Variants in MACROD2 observed in about 807,000 individuals in gnomAD.
The protein encoded by MACROD2 is mono-ADP ribosylhydrolase 2.
MACROD2 carries 36 observed loss-of-function variants against 70.4 expected under a neutral mutation model. That is an observed-to-expected ratio of 0.51 (90% CI 0.39 to 0.68). The LOEUF (loss-of-function observed/expected upper bound fraction) is 0.68, where lower values mean the gene tolerates loss of function less well. Among genes scored for constraint, MACROD2 ranks in the 30% least tolerant of loss-of-function variants. The probability of loss-of-function intolerance (pLI) is 0.00; values close to 1 mark genes in which losing one functional copy is unlikely to be tolerated. For missense variants in MACROD2, 496 were observed against 538.4 expected, an observed-to-expected ratio of 0.92 and a Z score of 0.78; for synonymous variants, 172 against 178.8, an observed-to-expected ratio of 0.96 and a Z score of 0.30.
intron 2 of MACROD2, among the ~76,000 whole-genome samples, chr20:14,051,246 G>A (rs562986584): frequency 7.8e-4 from 119 of 152,262 alleles, no homozygotes; most frequent in African/African-American, 2.7e-3. Context: ...GTTTTGAAAG[G>A]AACATTTTTA....
At chr20:15,047,761 A>G (rs1341005136) in intron 5 of MACROD2, among the ~76,000 whole-genome samples, 2 of 152,124 alleles carry the variant, frequency 1.3e-5, no homozygotes, top group South Asian at 4.1e-4. Context: ...GGCTTTTATT[A>G]CAGTGTGATT....
At chr20:15,441,316 A>G (rs759903933) in intron 7 of MACROD2, among the ~76,000 whole-genome samples, 5 of 152,106 alleles carry the variant, frequency 3.3e-5, no homozygotes, top group Non-Finnish European at 5.9e-5. Flanking sequence ...GACTAACTTC[A>G]CTCTGGAAAG....
intron 5 of MACROD2, among the ~76,000 whole-genome samples, chr20:14,869,298 A>G (rs183969101): frequency 2.6e-5 from 4 of 152,294 alleles, no homozygotes; most frequent in East Asian, 3.9e-4. Context: ...TGTATCCGTT[A>G]GAGTTTCATC....
chr20:14,896,961 A>C lies in MACROD2; in HGVS notation c.418+212002A>C, dbSNP rs138691412. ...AAATAAAAGTTAGCAACTAATAGGC[A>C]TTTAGCTTGAGTTTATATTATAGAT... On this transcript the variant is annotated intron_variant, in intron 5 of 17. Coordinates refer to ENST00000684519, the MANE Select transcript of MACROD2 (RefSeq NM_001351661.2). 4.2e-3 allele frequency among the ~76,000 whole-genome samples: 635 copies of C among 152,264 alleles called. 1 individual carries two copies. The highest frequency in any genetic ancestry group is 7.5e-3 in the Non-Finnish European group (512 of 68,020).
intron 7 of MACROD2, among the ~76,000 whole-genome samples, chr20:15,472,249 CTA>C (rs946579090): frequency 3.3e-5 from 5 of 152,126 alleles, no homozygotes; most frequent in African/African-American, 4.8e-5. Context: ...CTTGACTTTT[CTA>C]TGTTTTCTTG....
chr20:14,147,641 A>T (rs1341965819), intron 3 of MACROD2, among the ~76,000 whole-genome samples: 1 of 152,156 alleles, frequency 6.6e-6, no homozygotes, highest in African/African-American at 2.4e-5. Flanking sequence ...CCATTATAAA[A>T]TATGTGAGTA....
rs6043428 is a variant in MACROD2 at position 15,677,436 on chromosome 20, C to A, written c.645+177589C>A. ...GGCCTATCAGCTTTGACATGTGTGG[C>A]CATCACTTATGCAGTCTCCCCATGA... On this transcript the variant is annotated intron_variant, in intron 8 of 17. Transcript: ENST00000684519. Among the ~76,000 whole-genome samples the A allele has an allele frequency of 8.8e-3, 1,338 of 152,142 alleles. 13 individuals carry two copies. The highest frequency in any genetic ancestry group is 0.03 in the African/African-American group (1,263 of 41,504).
intron 6 of MACROD2, among the ~76,000 whole-genome samples, chr20:15,282,180 G>A: frequency 6.6e-6 from 1 of 152,224 alleles, no homozygotes; most frequent in Non-Finnish European, 1.5e-5. Flanking sequence ...CTAGGCCTCT[G>A]TGTTGTTTGT....
intron 15 of MACROD2, among the ~76,000 whole-genome samples, chr20:16,029,472 T>C (rs2067123802): frequency 6.6e-6 from 1 of 151,902 alleles, no homozygotes; most frequent in Non-Finnish European, 1.5e-5. Flanking sequence ...AACTTAACAA[T>C]ATGAAGGAAG....
intron 8 of MACROD2, among the ~76,000 whole-genome samples, chr20:15,666,447 G>A (rs2049899123): frequency 6.6e-6 from 1 of 152,024 alleles, no homozygotes; most frequent in Non-Finnish European, 1.5e-5. Flanking sequence ...TCTAAACAAA[G>A]ACTCATTTTC....
intron 3 of MACROD2, among the ~76,000 whole-genome samples, chr20:14,344,650 C>G (rs1288276621): frequency 6.6e-6 from 1 of 152,078 alleles, no homozygotes; most frequent in Admixed American, 6.6e-5. Context: ...CTAGACTGAA[C>G]AAGTTTATTT....
chr20:14,208,131 G>A (rs2081541209), intron 3 of MACROD2, among the ~76,000 whole-genome samples: 1 of 152,152 alleles, frequency 6.6e-6, no homozygotes, highest in African/African-American at 2.4e-5. Context: ...CCATGATGTT[G>A]ATCCTGGATG....
chr20:14,250,727 G>A (rs2082005575), intron 3 of MACROD2, among the ~76,000 whole-genome samples: 1 of 151,962 alleles, frequency 6.6e-6, no homozygotes, highest in Non-Finnish European at 1.5e-5. Flanking sequence ...AGAGTCTCTA[G>A]CTTGTTGTAC....
intron 3 of MACROD2, among the ~76,000 whole-genome samples, chr20:14,351,179 A>G (rs2083119825): frequency 6.6e-6 from 1 of 152,106 alleles, no homozygotes; most frequent in African/African-American, 2.4e-5. Context: ...ACGTCAGGTA[A>G]TGTGGTTCCT....
intron 8 of MACROD2, among the ~76,000 whole-genome samples, chr20:15,649,098 C>T (rs187531560): frequency 0.025 from 2,282 of 90,902 alleles, 181 homozygotes; most frequent in African/African-American, 0.11. Context: ...CTTCCCTCCC[C>T]TCCCCTCCCC....
intron 8 of MACROD2, among the ~76,000 whole-genome samples, chr20:15,671,970 A>T (rs555610139): frequency 6.6e-6 from 1 of 152,334 alleles, no homozygotes; most frequent in African/African-American, 2.4e-5. Flanking sequence ...TTTGTAAAGA[A>T]ATCATTCCTG....
At chr20:15,289,354 G>A (rs1039558122) in intron 6 of MACROD2, among the ~76,000 whole-genome samples, 1 of 152,140 alleles carries the variant, frequency 6.6e-6, no homozygotes, top group African/African-American at 2.4e-5. Flanking sequence ...ATTTTAGAGG[G>A]AAATAGTTAT....
chr20:15,853,746 T>C (rs2064325864), intron 8 of MACROD2, among the ~76,000 whole-genome samples: 2 of 152,152 alleles, frequency 1.3e-5, no homozygotes, highest in Non-Finnish European at 2.9e-5. Flanking sequence ...AGGGCTCAAT[T>C]CAGCTGACAC....
At chr20:15,842,712 G>GATAGATA (rs77294203) in intron 8 of MACROD2, among the ~76,000 whole-genome samples, 129 of 141,694 alleles carry the variant, frequency 9.1e-4, no homozygotes, top group African/African-American at 1.5e-3. Flanking sequence ...GTGGGTGGAT[G>GATAGATA]GATAGATAGA....
Sources: allele counts gnomAD v4.1 joint callset (sites outside exome capture counted in the v4.1 genomes callset), GRCh38; gene constraint gnomAD v4.1.1; transcripts MANE v1.5; gene names NCBI Gene and HGNC (gene_info 2026-07-23, HGNC 2026-07-21).